Variants in TRIO observed in about 807,000 individuals in gnomAD.
The protein encoded by TRIO is triple functional domain protein.
In TRIO, 58 loss-of-function variants were observed where a neutral mutation model predicts 351.9. The observed-to-expected ratio is 0.16, with a 90% CI of 0.13 to 0.21. TRIO has a LOEUF of 0.21. Among genes scored for constraint, TRIO ranks in the 10% least tolerant of loss-of-function variants. TRIO has a pLI of 1.00. For missense variants in TRIO, 3,201 were observed against 4,027.8 expected (o/e 0.79, Z 5.56); for synonymous variants, 1,758 against 1,595.7 (o/e 1.10, Z -2.42).
At chr5:14,238,612 A>G (rs1163360613) in intron 1 of TRIO, among the ~76,000 whole-genome samples, 5 of 152,252 alleles carry the variant, frequency 3.3e-5, no homozygotes, top group African/African-American at 9.6e-5. Flanking sequence ...AGCAGACGAT[A>G]TTAAAGAGAA....
intron 20 of TRIO, among the ~76,000 whole-genome samples, chr5:14,380,003 T>C (rs1041079655): frequency 1.2e-4 from 18 of 152,158 alleles, no homozygotes; most frequent in African/African-American, 4.8e-5. Flanking sequence ...TCTCCCACTC[T>C]AGTCATTGCC....
chr5:14,317,818 G>C (rs354918), intron 9 of TRIO, among the ~76,000 whole-genome samples: 6,860 of 151,828 alleles, frequency 0.045, 546 homozygotes, highest in African/African-American at 0.16. Context: ...TGGTGAAACC[G>C]TGTCTCTATT....
At chr5:14,488,736 C>T (rs1166419622) in intron 48 of TRIO, 1 of 581,872 alleles carries the variant, frequency 1.7e-6, no homozygotes, top group African/African-American at 1.9e-5. Flanking sequence ...AGACCATTCC[C>T]TCAAGAAAAC....
At chr5:14,331,125 G>A (rs1740870516) in intron 10 of TRIO, among the ~76,000 whole-genome samples, 2 of 152,254 alleles carry the variant, frequency 1.3e-5, no homozygotes, top group African/African-American at 4.8e-5. Context: ...ACAGAAATGT[G>A]ACTTGGGTGT....
intron 55 of TRIO, 146 bp downstream of exon 55, chr5:14,504,739 C>CG: frequency 9.7e-7 from 1 of 1,026,924 alleles, no homozygotes; most frequent in Non-Finnish European, 1.4e-6. Flanking sequence ...TCAGAGCCCG[C>CG]AGTTTTCAAG....
At chr5:14,283,368 A>AG (rs1325974625) in intron 3 of TRIO, among the ~76,000 whole-genome samples, 1 of 152,180 alleles carries the variant, frequency 6.6e-6, no homozygotes, top group Non-Finnish European at 1.5e-5. Flanking sequence ...TCATATGTGA[A>AG]GGGAGAACAT....
chr5:14,330,402 T>C (rs1256741147), intron 9 of TRIO, among the ~76,000 whole-genome samples: 2 of 152,242 alleles, frequency 1.3e-5, no homozygotes. Flanking sequence ...ATAAAATTGC[T>C]AAGTTAAATT....
chr5:14,411,063 G>A (rs13187884), intron 33 of TRIO, among the ~76,000 whole-genome samples: 2,347 of 152,274 alleles, frequency 0.015, 36 homozygotes, highest in Middle Eastern at 0.024. Flanking sequence ...ATCTCCCTGC[G>A]GTAGGGAGGA....
chr5:14,222,141 T>C (rs1185007125), intron 1 of TRIO, among the ~76,000 whole-genome samples: 1 of 113,108 alleles, frequency 8.8e-6, no homozygotes, highest in Non-Finnish European at 2.1e-5. Flanking sequence ...CTTTTTCTTT[T>C]CTTTTTTTTT....
Position 14,183,715 on chromosome 5 carries a change from T to C in TRIO, c.157+39833T>C, listed in dbSNP as rs1789933868. The C allele has an allele frequency of 2.2e-5, 9 of 412,528 alleles. No individual in the cohort carries two copies. The South Asian group carries it at 2.8e-4, about 13-fold the overall frequency. 25.6% of individuals were successfully genotyped at this position (412,528 alleles called of 1,614,324 possible). A position where few individuals can be genotyped will look rare whatever the true frequency, so the allele number is the denominator to read the frequency against. ...GATCAAAAACTGGAACAAAACTTTCTGTGCTGTTTCTGCCCCTCCCGTTTG... is the reference window on the plus strand; with the variant it reads ...GATCAAAAACTGGAACAAAACTTTCCGTGCTGTTTCTGCCCCTCCCGTTTG... On this transcript the variant is annotated intron_variant, in intron 1 of 56. Coordinates refer to ENST00000344204, the MANE Select transcript of TRIO (RefSeq NM_007118.4).
At chr5:14,448,639 G>C (rs1018924725) in intron 34 of TRIO, among the ~76,000 whole-genome samples, 9 of 152,236 alleles carry the variant, frequency 5.9e-5, no homozygotes, top group African/African-American at 2.2e-4. Context: ...CCCCCAGCCA[G>C]TACTAAAGAG....
intron 53 of TRIO, among the ~76,000 whole-genome samples, chr5:14,500,847 C>A (rs1757235125): frequency 6.8e-6 from 1 of 147,274 alleles, no homozygotes. Context: ...CGAGATTGCA[C>A]CACTGCGCTC....
chr5:14,474,216 G>A (rs1579761666), intron 40 of TRIO, 119 bp downstream of exon 40: 1 of 904,486 alleles, frequency 1.1e-6, no homozygotes. Context: ...GCCTCCTGGA[G>A]GGAGCTGGTG....
At chr5:14,157,527 GTCTCCCTCTCTCTCCC>G (rs569652588) in intron 1 of TRIO, among the ~76,000 whole-genome samples, 1 of 106,126 alleles carries the variant, frequency 9.4e-6, no homozygotes. Context: ...CTCTCTCCCT[GTCTCCCTCTCTCTCCC>G]TGTCTCTCTC....
intron 8 of TRIO, among the ~76,000 whole-genome samples, chr5:14,312,511 A>G (rs1264538417): frequency 2.0e-5 from 3 of 152,250 alleles, no homozygotes; most frequent in Admixed American, 2.0e-4. Context: ...TATTCCAAGA[A>G]AAACAAAGAG....
At chr5:14,307,277 A>C (rs1346203964) in intron 8 of TRIO, among the ~76,000 whole-genome samples, 1 of 152,130 alleles carries the variant, frequency 6.6e-6, no homozygotes, top group East Asian at 1.9e-4. Context: ...CTCCACAGCC[A>C]CTGATCCTAT....
intron 8 of TRIO, among the ~76,000 whole-genome samples, chr5:14,308,983 C>T (rs374736347): frequency 4.0e-5 from 6 of 151,800 alleles, no homozygotes; most frequent in South Asian, 2.1e-4. Context: ...AACTGTCCAT[C>T]GCCACCTCAT....
intron 10 of TRIO, among the ~76,000 whole-genome samples, chr5:14,334,848 G>A (rs1741247963): frequency 1.3e-5 from 2 of 152,242 alleles, no homozygotes; most frequent in Admixed American, 6.5e-5. Flanking sequence ...AGTGCAGGCA[G>A]ACCCTCCACA....
intron 1 of TRIO, among the ~76,000 whole-genome samples, chr5:14,155,371 A>G (rs1177359237): frequency 6.6e-6 from 1 of 152,224 alleles, no homozygotes; most frequent in African/African-American, 2.4e-5. Flanking sequence ...GCTCTTACAT[A>G]GTGATCATAA....
Sources: allele counts gnomAD v4.1 joint callset (sites outside exome capture counted in the v4.1 genomes callset), GRCh38; gene constraint gnomAD v4.1.1; transcripts MANE v1.5; gene names NCBI Gene and HGNC (gene_info 2026-07-23, HGNC 2026-07-21).